Variants in WDR72 observed in about 807,000 individuals in gnomAD.
The protein encoded by WDR72 is WD repeat-containing protein 72.
A neutral mutation model predicts 124.2 loss-of-function variants in WDR72; 120 were observed. The observed-to-expected ratio is 0.97, with a 90% CI of 0.83 to 1.12. The LOEUF is 1.12. Among genes scored for constraint, WDR72 ranks in the 50% most tolerant of loss-of-function variants. The pLI is 0.00. For missense variants in WDR72, 1,387 were observed against 1,278.8 expected, an observed-to-expected ratio of 1.08 and a Z score of -1.29; for synonymous variants, 452 against 441.7, an observed-to-expected ratio of 1.02 and a Z score of -0.29.
intron 17 of WDR72, among the ~76,000 whole-genome samples, chr15:53,607,863 T>G (rs911820236): frequency 3.9e-5 from 6 of 152,064 alleles, no homozygotes; most frequent in African/African-American, 1.4e-4. Context: ...AATAGACATT[T>G]CTCAAAAGAA....
At chr15:53,536,332 G>C (rs1236691072) in intron 18 of WDR72, among the ~76,000 whole-genome samples, 2 of 152,152 alleles carry the variant, frequency 1.3e-5, no homozygotes, top group African/African-American at 4.8e-5. Flanking sequence ...ATTCTCAGTA[G>C]AACTACAGCT....
intron 18 of WDR72, among the ~76,000 whole-genome samples, chr15:53,530,807 C>G (rs946622408): frequency 7.2e-5 from 11 of 152,024 alleles, no homozygotes; most frequent in African/African-American, 2.7e-4. Flanking sequence ...GGAAAAGCAC[C>G]AAAAAACATT....
At chr15:53,722,721 A>G (rs902490454) in intron 3 of WDR72, 81 bp downstream of exon 3, 7 of 1,231,486 alleles carry the variant, frequency 5.7e-6, no homozygotes, top group Middle Eastern at 3.7e-4. Context: ...GGTTTCCTTC[A>G]GCCCTAAAAT....
At chr15:53,657,220 T>C (rs1489192120) in intron 14 of WDR72, among the ~76,000 whole-genome samples, 1 of 123,146 alleles carries the variant, frequency 8.1e-6, no homozygotes, top group Non-Finnish European at 1.6e-5. Flanking sequence ...GCCGAGATCA[T>C]GTCATTGCAC....
At chr15:53,529,043 G>C (rs561587421) in intron 18 of WDR72, among the ~76,000 whole-genome samples, 2 of 151,160 alleles carry the variant, frequency 1.3e-5, no homozygotes, top group African/African-American at 4.9e-5. Context: ...AATCAAAAAT[G>C]TCCAAAAACT....
At position 53,705,932 on chromosome 15, in the gene WDR72, G is replaced by A. The variant is rs905240148; in HGVS notation, c.1097C>T (p.Pro366Leu). ...AGAAAAGGAAACTGACTTACCTCTA[G>A]GAGAACCATCAAACTTGGATACAGG... The part of the protein sequence containing the change: ...DVPVSKFDGS[P>L]REIPVTATWT... The change falls in exon 10 of 20, where the codon CCT (proline) becomes CTT (leucine). Residue 366 changes from proline (P) to leucine (L), a missense_variant. Coordinates refer to ENST00000360509, the MANE Select transcript of WDR72 (RefSeq NM_182758.4). 3.7e-6 allele frequency: 6 copies of A among 1,614,032 alleles called. No homozygotes were observed. Among genetic ancestry groups the A allele is most frequent in the African/African-American group, 1.3e-5 (1 of 75,042 alleles).
At chr15:53,581,546 GT>G (rs1566969381) in intron 18 of WDR72, among the ~76,000 whole-genome samples, 1 of 152,028 alleles carries the variant, frequency 6.6e-6, no homozygotes, top group East Asian at 1.9e-4. Flanking sequence ...AAATTAGAAA[GT>G]TCTGTGCTTT....
chr15:53,752,634 T>C (rs2018802301), intron 1 of WDR72, among the ~76,000 whole-genome samples: 1 of 152,198 alleles, frequency 6.6e-6, no homozygotes, highest in Non-Finnish European at 1.5e-5. Context: ...AGACAACACA[T>C]TTCTGTTGTG....
rs569905365 is a variant in WDR72, at chr15:53,733,029, G to C, written c.121C>G (p.Leu41Val). 2 of 1,613,936 alleles carry C rather than the reference G, an allele frequency of 1.2e-6. No homozygotes were observed. The highest frequency in any genetic ancestry group is 1.7e-6 in the Non-Finnish European group (2 of 1,179,976). The change falls in exon 2 of 20, where the codon CTC (leucine) becomes GTC (valine). Residue 41 changes from leucine to valine, a missense_variant. Leu to Val is a conservative substitution (Grantham distance 32). Coordinates refer to ENST00000360509, the MANE Select transcript of WDR72 (RefSeq NM_182758.4). ...TIVTGSQEGQ[L>V]CLWNLSHELK... is the part of the protein sequence containing the mutation. Reference sequence around the variant, plus strand: ...TCATGTGAGAGATTCCAGAGACAGAGCTGACCCTCTTGACTTCCAGTCACA... The same window carrying C: ...TCATGTGAGAGATTCCAGAGACAGACCTGACCCTCTTGACTTCCAGTCACA...
chr15:53,633,006 C>T (rs1292484085), intron 14 of WDR72, among the ~76,000 whole-genome samples: 15 of 152,096 alleles, frequency 9.9e-5, no homozygotes, highest in Admixed American at 9.8e-4. Context: ...CAAGTTAAGA[C>T]TTTGGGATAC....
intron 1 of WDR72, among the ~76,000 whole-genome samples, chr15:53,739,217 C>A (rs945312071): frequency 2.6e-5 from 4 of 151,990 alleles, no homozygotes; most frequent in African/African-American, 9.7e-5. Flanking sequence ...TGATTTTCAA[C>A]TGAAGTAAGC....
intron 19 of WDR72, among the ~76,000 whole-genome samples, chr15:53,518,185 C>CTGTT (rs1301080341): frequency 6.6e-6 from 1 of 151,942 alleles, no homozygotes. Flanking sequence ...AGTTGAAATA[C>CTGTT]TGTTTGAGTT....
In WDR72 at chr15:53,714,588, A is replaced by C. The variant is rs1178153148; in HGVS notation, c.515-78T>G. On this transcript the variant is annotated intron_variant, in intron 5 of 19. Transcript: ENST00000360509. The stretch of plus-strand genomic sequence containing the variant: ...GGTAAAAATCATTTCACAGTCATTT[A>C]AGAATTACGCAGGGCTGTGTAGATA... 6.0e-6 allele frequency: 7 copies of C among 1,167,820 alleles called. No homozygotes were observed. In the Admixed American group the frequency reaches 1.2e-4, roughly 20 times the overall value. The allele number at this position is 1,167,820 out of a possible 1,614,324, so 72.3% of individuals were successfully genotyped here.
chr15:53,650,789 C>T (rs778686646), intron 14 of WDR72, among the ~76,000 whole-genome samples: 6 of 151,070 alleles, frequency 4.0e-5, no homozygotes, highest in Non-Finnish European at 8.8e-5. Context: ...GATGTTAAAA[C>T]AAACAACAAA....
chr15:53,637,495 C>A (rs959855061), intron 14 of WDR72, among the ~76,000 whole-genome samples: 3 of 152,104 alleles, frequency 2.0e-5, no homozygotes, highest in Non-Finnish European at 4.4e-5. Flanking sequence ...TCAATAGCTC[C>A]CAAGTGTCTG....
At chr15:53,520,480 A>G (rs921648440) in intron 19 of WDR72, among the ~76,000 whole-genome samples, 3 of 152,104 alleles carry the variant, frequency 2.0e-5, no homozygotes, top group Admixed American at 6.6e-5. Context: ...ATGTGCATTC[A>G]GAATTAAATG....
chr15:53,671,988 G>A (rs1424481064), intron 13 of WDR72, among the ~76,000 whole-genome samples: 1 of 151,300 alleles, frequency 6.6e-6, no homozygotes, highest in Non-Finnish European at 1.5e-5. Context: ...AAAGAGGGAG[G>A]GAGAGAGCGA....
intron 3 of WDR72, among the ~76,000 whole-genome samples, chr15:53,719,549 T>C (rs1480332558): frequency 1.3e-5 from 2 of 152,170 alleles, no homozygotes; most frequent in African/African-American, 2.4e-5. Context: ...ATATGAAGCA[T>C]AGCATCTTCT....
intron 14 of WDR72, among the ~76,000 whole-genome samples, chr15:53,642,603 C>A (rs2014895325): frequency 6.6e-6 from 1 of 151,920 alleles, no homozygotes; most frequent in Non-Finnish European, 1.5e-5. Flanking sequence ...CATTCACTTC[C>A]TAAAATTCAG....
Sources: allele counts gnomAD v4.1 joint callset (sites outside exome capture counted in the v4.1 genomes callset), GRCh38; gene constraint gnomAD v4.1.1; transcripts MANE v1.5; gene names NCBI Gene and HGNC (gene_info 2026-07-23, HGNC 2026-07-21).